The following RERE variants were observed in gnomAD, a reference collection of about 807,000 sequenced individuals.
RERE encodes the protein arginine-glutamic acid dipeptide repeats.
A neutral mutation model predicts 146.1 loss-of-function variants in RERE; 40 were observed. The observed-to-expected ratio is 0.27, with a 90% confidence interval of 0.21 to 0.36. The LOEUF (loss-of-function observed/expected upper bound fraction) is 0.36. Among genes scored for constraint, RERE ranks in the 10% least tolerant of loss-of-function variants. RERE has a pLI of 1.00. For synonymous variants in RERE, 1,003 were observed against 866.0 expected, an observed-to-expected ratio of 1.16 and a Z score of -2.78; for missense variants, 1,933 against 2,138.7, an observed-to-expected ratio of 0.90 and a Z score of 1.90.
chr1:8,771,705 T>TA (rs1158216098), intron 1 of RERE, among the ~76,000 whole-genome samples: 1 of 151,818 alleles, frequency 6.6e-6, no homozygotes, highest in Non-Finnish European at 1.5e-5. Context: ...GGTCAGGAGA[T>TA]AGAGGCCATC....
intron 4 of RERE, among the ~76,000 whole-genome samples, chr1:8,573,457 T>C (rs898368128): frequency 5.9e-5 from 9 of 152,202 alleles, no homozygotes; most frequent in Non-Finnish European, 1.3e-4. Context: ...TACACTTACA[T>C]GATCCATCCA....
intron 2 of RERE, among the ~76,000 whole-genome samples, chr1:8,650,783 G>T (rs573074194): frequency 6.0e-4 from 91 of 152,174 alleles, no homozygotes; most frequent in African/African-American, 2.1e-3. Flanking sequence ...TGTAATCCCA[G>T]CTACTTATGA....
At chr1:8,474,114 T>C (rs1039268309) in intron 10 of RERE, among the ~76,000 whole-genome samples, 1 of 152,240 alleles carries the variant, frequency 6.6e-6, no homozygotes, top group African/African-American at 2.4e-5. Flanking sequence ...TAATTTAATA[T>C]ATATAAGTGC....
At chr1:8,675,718 C>T (rs1397769669) in intron 1 of RERE, among the ~76,000 whole-genome samples, 3 of 149,960 alleles carry the variant, frequency 2.0e-5, no homozygotes, top group Non-Finnish European at 3.0e-5. Context: ...AGCGAAACTC[C>T]GACTCAAAAT....
At chr1:8,805,514 T>C (rs959354035) in intron 1 of RERE, among the ~76,000 whole-genome samples, 3 of 151,998 alleles carry the variant, frequency 2.0e-5, no homozygotes, top group Admixed American at 2.0e-4. Flanking sequence ...CCAGGCATGG[T>C]GGCAGGCGCC....
intron 4 of RERE, among the ~76,000 whole-genome samples, chr1:8,612,312 C>T (rs1012693890): frequency 3.3e-5 from 5 of 152,194 alleles, no homozygotes; most frequent in Admixed American, 2.6e-4. Flanking sequence ...TTTATGAGAA[C>T]TCCACATATG....
intron 10 of RERE, among the ~76,000 whole-genome samples, chr1:8,488,048 T>C (rs542506346): frequency 7.6e-4 from 107 of 141,338 alleles, no homozygotes; most frequent in Non-Finnish European, 1.5e-3. Flanking sequence ...AAGCCCAGAC[T>C]GAACAACATA....
chr1:8,607,534 C>CTTTTTTTTTTTTTTTT lies in RERE; in HGVS notation c.522+7011_522+7026dup, dbSNP rs1167501074. Among the ~76,000 whole-genome samples, 119 of 48,574 alleles carry CTTTTTTTTTTTTTTTT rather than the reference C, an allele frequency of 2.4e-3. 28 individuals are homozygous for CTTTTTTTTTTTTTTTT. The highest frequency in any genetic ancestry group is 8.6e-3 in the East Asian group (10 of 1,158). The allele number at this position is 48,574 out of a possible 152,430, so 31.9% of individuals were successfully genotyped here. On this transcript the variant is annotated intron_variant, in intron 4 of 22. Coordinates refer to ENST00000400908, the MANE Select transcript of RERE (RefSeq NM_001042681.2). ...CGCATATTTGTTTTTATATATATTT[C>CTTTTTTTTTTTTTTTT]TTTTTTTTTTTTTTTTTTTTTTTTT...
At chr1:8,777,212 T>C (rs1008471098) in intron 1 of RERE, among the ~76,000 whole-genome samples, 1 of 152,216 alleles carries the variant, frequency 6.6e-6, no homozygotes. Flanking sequence ...TAAAAAGTTA[T>C]ATGGGTGCTT....
intron 2 of RERE, among the ~76,000 whole-genome samples, chr1:8,653,661 C>G (rs1189211567): frequency 1.4e-5 from 2 of 145,276 alleles, no homozygotes; most frequent in Non-Finnish European, 3.0e-5. Context: ...CGCCACTGCA[C>G]TCCAGCCTAA....
chr1:8,482,004 A>G (rs995892346), intron 10 of RERE, among the ~76,000 whole-genome samples: 2 of 152,146 alleles, frequency 1.3e-5, no homozygotes, highest in Admixed American at 6.5e-5. Context: ...GGATAAATAA[A>G]ATGGTAATAT....
chr1:8,573,139 A>G (rs549797589), intron 4 of RERE, among the ~76,000 whole-genome samples: 3 of 152,238 alleles, frequency 2.0e-5, no homozygotes, highest in Non-Finnish European at 4.4e-5. Flanking sequence ...TTTTCTTTTT[A>G]AAGTTTTATT....
At chr1:8,590,730 T>G (rs960441186) in intron 4 of RERE, 1 of 152,236 alleles carries the variant, frequency 6.6e-6, no homozygotes, top group African/African-American at 2.4e-5. Context: ...CCAGGCACAC[T>G]GTCTGTTTGC....
At chr1:8,437,624 C>A (rs1487504122) in intron 11 of RERE, among the ~76,000 whole-genome samples, 1 of 152,062 alleles carries the variant, frequency 6.6e-6, no homozygotes, top group African/African-American at 2.4e-5. Flanking sequence ...TCCCATGATA[C>A]CTCACTCTTG....
chr1:8,644,754 C>T (rs1647244957), intron 2 of RERE, among the ~76,000 whole-genome samples: 1 of 152,140 alleles, frequency 6.6e-6, no homozygotes, highest in Non-Finnish European at 1.5e-5. Flanking sequence ...ACTCAGTCTC[C>T]TGAGGAGCTG....
At chr1:8,557,277 A>G (rs1570435281) in intron 5 of RERE, 141 bp downstream of exon 5, 6 of 607,732 alleles carry the variant, frequency 9.9e-6, no homozygotes, top group East Asian at 5.7e-5. Context: ...CTGGTAGCCA[A>G]TGTGAATCAT....
intron 6 of RERE, among the ~76,000 whole-genome samples, chr1:8,547,087 T>TAAAA (rs149634313): frequency 1.4e-5 from 2 of 143,176 alleles, no homozygotes; most frequent in African/African-American, 2.6e-5. Flanking sequence ...GCTTTTTTTT[T>TAAAA]AAAAAAAAAA....
At chr1:8,382,135 A>G (rs72864302) in intron 12 of RERE, among the ~76,000 whole-genome samples, 3,146 of 152,370 alleles carry the variant, frequency 0.021, 120 homozygotes, top group African/African-American at 0.073. Context: ...GCTGGAGCAC[A>G]TAGAGACTTC....
At chr1:8,762,562 A>G (rs577782367) in intron 1 of RERE, among the ~76,000 whole-genome samples, 129 of 152,278 alleles carry the variant, frequency 8.5e-4, no homozygotes, top group Admixed American at 2.1e-3. Context: ...TTTGAAGACA[A>G]AAAAAGTAGC....
Sources: allele counts gnomAD v4.1 joint callset (sites outside exome capture counted in the v4.1 genomes callset), GRCh38; gene constraint gnomAD v4.1.1; transcripts MANE v1.5; gene names NCBI Gene and HGNC (gene_info 2026-07-23, HGNC 2026-07-21).